CNTN1: variants seen among roughly 807,000 people sequenced by gnomAD.
The protein encoded by CNTN1 is contactin 1, also known as contactin-1.
CNTN1 carries 38 observed loss-of-function variants against 126.4 expected under a neutral mutation model. The observed-to-expected ratio is 0.30, with a 90% CI of 0.23 to 0.39. The LOEUF (loss-of-function observed/expected upper bound fraction) is 0.39, where lower values mean the gene tolerates loss of function less well. Among genes scored for constraint, CNTN1 ranks in the 10% least tolerant of loss-of-function variants. CNTN1 has a pLI of 1.00. For missense variants in CNTN1, 1,009 were observed against 1,248.4 expected (o/e 0.81, Z 2.89); for synonymous variants, 413 against 422.6 (o/e 0.98, Z 0.28).
At chr12:40,716,111 A>C (rs571567971) in intron 1 of CNTN1, among the ~76,000 whole-genome samples, 6 of 152,140 alleles carry the variant, frequency 3.9e-5, no homozygotes, top group African/African-American at 1.4e-4. Context: ...AAAAAATCTA[A>C]GGAAAGAAGC....
chr12:40,964,557 T>TGG (rs1947234811), intron 15 of CNTN1, among the ~76,000 whole-genome samples: 1 of 151,692 alleles, frequency 6.6e-6, no homozygotes, highest in African/African-American at 2.4e-5. Flanking sequence ...TGTGTGTGTG[T>TGG]GTGCATGCAG....
intron 1 of CNTN1, among the ~76,000 whole-genome samples, chr12:40,790,987 G>T (rs1423811495): frequency 1.3e-5 from 2 of 152,102 alleles, no homozygotes; most frequent in Non-Finnish European, 2.9e-5. Flanking sequence ...GTTTGTAAAA[G>T]AGAGGCTTTC....
chr12:40,911,000 G>T (rs1041217439), intron 3 of CNTN1, among the ~76,000 whole-genome samples: 3 of 152,194 alleles, frequency 2.0e-5, no homozygotes, highest in Non-Finnish European at 4.4e-5. Context: ...GGAAGAAAAA[G>T]AAGTTTAATT....
intron 1 of CNTN1, among the ~76,000 whole-genome samples, chr12:40,749,552 A>G (rs1174900235): frequency 1.4e-5 from 2 of 144,032 alleles, no homozygotes; most frequent in African/African-American, 2.5e-5. Context: ...GGGTGAGGTC[A>G]TAAAGAAAAT....
intron 1 of CNTN1, among the ~76,000 whole-genome samples, chr12:40,739,855 A>T (rs1021041752): frequency 6.6e-6 from 1 of 152,100 alleles, no homozygotes; most frequent in African/African-American, 2.4e-5. Context: ...AACATTAGTA[A>T]ATGTCCAAGA....
intron 1 of CNTN1, among the ~76,000 whole-genome samples, chr12:40,823,259 G>A (rs879523510): frequency 2.0e-5 from 3 of 151,992 alleles, no homozygotes; most frequent in Admixed American, 1.3e-4. Flanking sequence ...AGAATGCAAG[G>A]AAAAAAATTT....
In CNTN1 at chr12:41,070,909, A is replaced by G. The variant is rs955704355; in HGVS notation, c.*874A>G. On this transcript the variant is annotated 3_prime_UTR_variant, in exon 24 of 24. Coordinates refer to ENST00000551295, the MANE Select transcript of CNTN1 (RefSeq NM_001843.4). The stretch of plus-strand genomic sequence containing the variant: ...GTAGAGTGCTTCCTTTTTTATTGAG[A>G]TGTGACAGTCTTTACATGGTTAGGA... 4.6e-5 allele frequency: 7 copies of G among 151,942 alleles called. No homozygotes were observed. Among genetic ancestry groups the G allele is most frequent in the Admixed American group, 2.6e-4 (4 of 15,252 alleles). 9.4% of individuals were successfully genotyped at this position (151,942 alleles called of 1,614,324 possible). A position where few individuals can be genotyped will look rare whatever the true frequency, so the allele number is the denominator to read the frequency against.
chr12:40,760,293 T>C (rs773462412), intron 1 of CNTN1, among the ~76,000 whole-genome samples: 4 of 152,224 alleles, frequency 2.6e-5, no homozygotes, highest in Non-Finnish European at 5.9e-5. Flanking sequence ...CTGTACATCC[T>C]TCTTCCATGT....
intron 1 of CNTN1, among the ~76,000 whole-genome samples, chr12:40,706,105 T>TAG (rs1397711835): frequency 4.6e-5 from 7 of 150,676 alleles, no homozygotes; most frequent in East Asian, 1.9e-4. Context: ...TTTATATATA[T>TAG]ATATATAGAT....
At chr12:41,018,016 G>A (rs984477771) in intron 19 of CNTN1, among the ~76,000 whole-genome samples, 6 of 151,858 alleles carry the variant, frequency 4.0e-5, no homozygotes, top group African/African-American at 1.2e-4. Flanking sequence ...GCCTGGACCC[G>A]GGAGGTGAAG....
chr12:40,896,432 G>T (rs1944417151), intron 1 of CNTN1, among the ~76,000 whole-genome samples: 1 of 152,048 alleles, frequency 6.6e-6, no homozygotes, highest in Admixed American at 6.6e-5. Context: ...ACACTGAAAT[G>T]ACTTGCCTAA....
chr12:40,937,859 A>G (rs1003834621), intron 11 of CNTN1, among the ~76,000 whole-genome samples, 172 bp downstream of exon 11: 3 of 152,186 alleles, frequency 2.0e-5, no homozygotes, highest in Non-Finnish European at 2.9e-5. Context: ...TAACGAAACA[A>G]TGGAATAGAA....
chr12:41,033,481 A>G (rs1248936056), intron 23 of CNTN1, among the ~76,000 whole-genome samples: 10 of 152,124 alleles, frequency 6.6e-5, no homozygotes, highest in Non-Finnish European at 1.5e-5. Context: ...TGTAGTGAGC[A>G]TGCATATTTT....
rs371445853 is a variant in CNTN1 at position 41,029,065 on chromosome 12, A to T, written c.2826A>T (p.Val942=). 2 of 1,613,776 alleles carry T rather than the reference A, an allele frequency of 1.2e-6. No homozygotes were observed. The highest frequency in any genetic ancestry group is 2.7e-5 in the African/African-American group (2 of 74,886). The part of the protein sequence containing the change: ...SNESTVTGYK[V]LYRPDGQHDG... ...TTTACATTTCTGTACTTTATAAGGT[A>T]CTCTACAGACCTGATGGCCAGCATG... The change falls in exon 23 of 24, where the codon GTA becomes GTT. Residue 942 remains valine, a splice_region_variant and synonymous_variant. Coordinates refer to ENST00000551295, the MANE Select transcript of CNTN1 (RefSeq NM_001843.4).
chr12:41,016,772 G>A lies in CNTN1; in HGVS notation c.2275G>A (p.Val759Ile). ...FDGEEWKKVTVTNPDTGRYVH... is the reference protein window; with the variant it reads ...FDGEEWKKVTITNPDTGRYVH... ...TGGAGAAGAATGGAAAAAAGTCACAGTTACTAATCCTGATACTGGCCGATA... is the reference window on the plus strand; with the variant it reads ...TGGAGAAGAATGGAAAAAAGTCACAATTACTAATCCTGATACTGGCCGATA... The change falls in exon 19 of 24, where the codon GTT becomes ATT. Residue 759 changes from valine (V) to isoleucine (I), a missense_variant. Transcript: ENST00000551295. 1.2e-6 allele frequency: 2 copies of A among 1,614,110 alleles called. No individual in the cohort carries two copies. Among genetic ancestry groups the A allele is most frequent in the Non-Finnish European group, 1.7e-6 (2 of 1,179,994 alleles).
At chr12:40,970,822 T>TA (rs753966497) in intron 15 of CNTN1, among the ~76,000 whole-genome samples, 11 of 152,198 alleles carry the variant, frequency 7.2e-5, no homozygotes, top group Non-Finnish European at 1.6e-4. Flanking sequence ...GCTAGTCTAT[T>TA]AATCACTGTA....
At chr12:40,836,851 A>ATCCTC (rs1942078082) in intron 1 of CNTN1, among the ~76,000 whole-genome samples, 1 of 152,344 alleles carries the variant, frequency 6.6e-6, no homozygotes, top group Admixed American at 6.5e-5. Context: ...AGCTCACTTA[A>ATCCTC]TCCTCTCCAG....
Position 40,976,844 on chromosome 12 carries a change from A to T in CNTN1, c.1805-4065A>T, listed in dbSNP as rs559551398. On this transcript the variant is annotated intron_variant, in intron 15 of 23. Transcript: ENST00000551295. ...GTCTCCGTGCTCTATTTTTTGCCAC[A>T]AACTGATTCCTTAATACACAGAGTA... 2.0e-5 allele frequency among the ~76,000 whole-genome samples: 3 copies of T among 152,264 alleles called. 1 individual carries two copies. The highest frequency in any genetic ancestry group is 7.2e-5 in the African/African-American group (3 of 41,560).
intron 16 of CNTN1, among the ~76,000 whole-genome samples, chr12:40,989,864 T>C (rs1566098605): frequency 6.6e-6 from 1 of 152,034 alleles, no homozygotes; most frequent in Non-Finnish European, 1.5e-5. Flanking sequence ...CATGTGGACC[T>C]AGCCAGTCTT....
Sources: gnomAD v4.1 joint callset for allele counts (sites outside exome capture counted in the v4.1 genomes callset) on GRCh38, gnomAD v4.1.1 for gene constraint, MANE v1.5 for transcripts, NCBI Gene and HGNC (gene_info 2026-07-23, HGNC 2026-07-21) for gene names.